The following LSAMP variants were observed in gnomAD, a reference collection of about 807,000 sequenced individuals.
The protein encoded by LSAMP is limbic system associated membrane protein.
In LSAMP, 7 loss-of-function variants were observed where a neutral mutation model predicts 38.6. That is an observed-to-expected ratio of 0.18 (90% CI 0.10 to 0.34). The LOEUF is 0.34. LSAMP is among the 10% of genes least tolerant of loss of function. LSAMP has a pLI of 1.00. For synonymous variants in LSAMP, 154 were observed against 166.8 expected (o/e 0.92, Z 0.59); for missense variants, 313 against 420.0 (o/e 0.75, Z 2.23).
At chr3:116,343,566 A>G (rs1445598148) in intron 1 of LSAMP, among the ~76,000 whole-genome samples, 1 of 152,150 alleles carries the variant, frequency 6.6e-6, no homozygotes, top group Non-Finnish European at 1.5e-5. Context: ...AAAATGCATC[A>G]TGCCATGTAT....
At chr3:115,924,380 C>G (rs1937451945) in intron 3 of LSAMP, among the ~76,000 whole-genome samples, 1 of 152,116 alleles carries the variant, frequency 6.6e-6, no homozygotes, top group African/African-American at 2.4e-5. Flanking sequence ...TTATGTCTTT[C>G]ATTAAATTTT....
rs1933585396 is a variant in LSAMP at position 115,804,479 on chromosome 3, A to G, written c.*5838T>C. 1 of 152,098 alleles carries G rather than the reference A, an allele frequency of 6.6e-6. No individual in the cohort carries two copies. Among genetic ancestry groups the G allele is most frequent in the Admixed American group, 6.6e-5 (1 of 15,256 alleles). The allele number at this position is 152,098 out of a possible 1,614,324, so 9.4% of individuals were successfully genotyped here. A position where few individuals can be genotyped will look rare whatever the true frequency, so the allele number is the denominator to read the frequency against. On this transcript the variant is annotated 3_prime_UTR_variant, in exon 7 of 7. Coordinates refer to ENST00000490035, the MANE Select transcript of LSAMP (RefSeq NM_002338.5). Reference sequence around the variant, plus strand: ...CCCAATTCAATACACCTTCTACCTCACTTTAAAGTTGTCAGTTTATCTTAG... The same window carrying G: ...CCCAATTCAATACACCTTCTACCTCGCTTTAAAGTTGTCAGTTTATCTTAG...
chr3:116,216,743 T>C (rs556965054), intron 1 of LSAMP, among the ~76,000 whole-genome samples: 1 of 152,030 alleles, frequency 6.6e-6, no homozygotes. Flanking sequence ...AAGGAAGAAG[T>C]GTTGGAAAGG....
At chr3:116,132,900 T>C (rs1193420488) in intron 1 of LSAMP, among the ~76,000 whole-genome samples, 1 of 152,168 alleles carries the variant, frequency 6.6e-6, no homozygotes, top group Non-Finnish European at 1.5e-5. Flanking sequence ...ATCAATCTAG[T>C]CCCTGTTCCT....
At chr3:116,281,233 C>T (rs115409231) in intron 1 of LSAMP, among the ~76,000 whole-genome samples, 15,606 of 152,076 alleles carry the variant, frequency 0.1, 1,851 homozygotes, top group African/African-American at 0.29. Context: ...TGTATGGATG[C>T]CGAGGAATAG....
intron 6 of LSAMP, among the ~76,000 whole-genome samples, chr3:115,839,295 T>TTCCC (rs1395974524): frequency 5.9e-5 from 8 of 135,088 alleles, no homozygotes; most frequent in African/African-American, 1.6e-4. Flanking sequence ...CCTTCCTTCC[T>TTCCC]TCCTTCCTTC....
At chr3:115,823,162 A>G (rs1457735873) in intron 6 of LSAMP, among the ~76,000 whole-genome samples, 1 of 152,232 alleles carries the variant, frequency 6.6e-6, no homozygotes, top group Non-Finnish European at 1.5e-5. Flanking sequence ...TAATGCGCCA[A>G]CTTGGAGAGA....
At chr3:116,318,779 G>A (rs1210855196) in intron 1 of LSAMP, among the ~76,000 whole-genome samples, 2 of 152,214 alleles carry the variant, frequency 1.3e-5, no homozygotes, top group Admixed American at 6.5e-5. Flanking sequence ...GAAAGTAGAA[G>A]TTTTTGGATG....
chr3:116,371,423 C>T (rs948523301), intron 1 of LSAMP, among the ~76,000 whole-genome samples: 2 of 151,804 alleles, frequency 1.3e-5, no homozygotes, highest in African/African-American at 4.8e-5. Flanking sequence ...TACACATTAA[C>T]AAAATAAAGA....
intron 3 of LSAMP, among the ~76,000 whole-genome samples, chr3:115,884,248 C>T (rs1011754299): frequency 1.3e-4 from 19 of 151,916 alleles, no homozygotes; most frequent in Non-Finnish European, 2.9e-5. Context: ...ATTTTGGAGG[C>T]TGAATTAAGC....
At chr3:115,813,904 A>G (rs987952437) in intron 6 of LSAMP, among the ~76,000 whole-genome samples, 3 of 152,232 alleles carry the variant, frequency 2.0e-5, no homozygotes, top group Non-Finnish European at 4.4e-5. Context: ...ACTGACAGAT[A>G]AAATGAAAGC....
chr3:116,411,632 G>T (rs1202698520), intron 1 of LSAMP, among the ~76,000 whole-genome samples: 1 of 114,668 alleles, frequency 8.7e-6, no homozygotes, highest in Non-Finnish European at 1.8e-5. Flanking sequence ...GTTGTGGGGT[G>T]GGGGGAGGGG....
chr3:115,992,629 C>A (rs574768265), intron 3 of LSAMP, among the ~76,000 whole-genome samples: 1 of 151,988 alleles, frequency 6.6e-6, no homozygotes, highest in East Asian at 1.9e-4. Context: ...AAAAGCTTTT[C>A]AAAAATGCAT....
At chr3:115,996,136 T>G (rs1193513771) in intron 3 of LSAMP, among the ~76,000 whole-genome samples, 2 of 152,070 alleles carry the variant, frequency 1.3e-5, no homozygotes, top group African/African-American at 4.8e-5. Flanking sequence ...TGATTAAAAT[T>G]TTTTCCTAAA....
At chr3:116,421,477 G>C (rs796556574) in intron 1 of LSAMP, among the ~76,000 whole-genome samples, 7 of 151,668 alleles carry the variant, frequency 4.6e-5, no homozygotes, top group African/African-American at 1.7e-4. Context: ...CCAGAGGGCA[G>C]AGGTTGCAGT....
intron 1 of LSAMP, among the ~76,000 whole-genome samples, chr3:116,431,119 A>G (rs1009100557): frequency 1.3e-5 from 2 of 151,898 alleles, no homozygotes; most frequent in African/African-American, 2.4e-5. Context: ...TTTGCTTCCT[A>G]TGGTTTTATC....
At chr3:115,927,728 G>T (rs891378857) in intron 3 of LSAMP, among the ~76,000 whole-genome samples, 9 of 151,980 alleles carry the variant, frequency 5.9e-5, no homozygotes, top group Non-Finnish European at 1.2e-4. Flanking sequence ...CAGGCTGTAC[G>T]TGCTGCCAGG....
At chr3:116,344,754 T>C (rs1413024732) in intron 1 of LSAMP, among the ~76,000 whole-genome samples, 2 of 152,144 alleles carry the variant, frequency 1.3e-5, no homozygotes, top group Non-Finnish European at 2.9e-5. Flanking sequence ...ATTACCCTAA[T>C]GTTAAAGAAG....
intron 1 of LSAMP, among the ~76,000 whole-genome samples, chr3:116,329,487 A>C (rs943554976): frequency 7.2e-5 from 11 of 152,296 alleles, no homozygotes; most frequent in African/African-American, 2.6e-4. Context: ...CATTTTAATA[A>C]ACATGAACTT....
Sources: gnomAD v4.1 joint callset for allele counts (sites outside exome capture counted in the v4.1 genomes callset) on GRCh38, gnomAD v4.1.1 for gene constraint, MANE v1.5 for transcripts, NCBI Gene and HGNC (gene_info 2026-07-23, HGNC 2026-07-21) for gene names.